Variants in RNF168 observed in about 807,000 individuals in gnomAD.
RNF168 encodes E3 ubiquitin-protein ligase RNF168.
RNF168 carries 34 observed loss-of-function variants against 34.9 expected under a neutral mutation model. That is an observed-to-expected ratio of 0.97 (90% confidence interval 0.74 to 1.30). RNF168 has a LOEUF of 1.30. Among genes scored for constraint, RNF168 ranks in the 50% most tolerant of loss-of-function variants. The probability of loss-of-function intolerance (pLI) is 0.00; values close to 1 mark genes in which losing one functional copy is unlikely to be tolerated. For synonymous variants in RNF168, 264 were observed against 254.7 expected (o/e 1.04, Z -0.35); for missense variants, 725 against 682.5 (o/e 1.06, Z -0.69).
chr3:196,500,047 G>A (rs1194219388), intron 1 of RNF168, among the ~76,000 whole-genome samples: 2 of 152,176 alleles, frequency 1.3e-5, no homozygotes, highest in African/African-American at 4.8e-5. Context: ...CCCACGCACT[G>A]TTGGTGGGAA....
chr3:196,483,495 C>T (rs9877312), intron 4 of RNF168, among the ~76,000 whole-genome samples: 1 of 152,024 alleles, frequency 6.6e-6, no homozygotes, highest in Non-Finnish European at 1.5e-5. Flanking sequence ...TGAATTTAAA[C>T]CAAGAGAAAG....
chr3:196,502,456 T>C (rs1022779855), intron 1 of RNF168, among the ~76,000 whole-genome samples: 1 of 151,718 alleles, frequency 6.6e-6, no homozygotes, highest in Non-Finnish European at 1.5e-5. Context: ...GGCGTGATGG[T>C]GCACGCGTGT....
At chr3:196,489,738 T>C (rs2108651278) in intron 1 of RNF168, among the ~76,000 whole-genome samples, 1 of 152,326 alleles carries the variant, frequency 6.6e-6, no homozygotes, top group South Asian at 2.1e-4. Flanking sequence ...AGACTACAGC[T>C]GAGGTAGAAT....
intron 1 of RNF168, among the ~76,000 whole-genome samples, chr3:196,494,948 G>A (rs967780651): frequency 2.0e-5 from 3 of 152,154 alleles, no homozygotes; most frequent in Non-Finnish European, 2.9e-5. Flanking sequence ...GCTTGAGCCC[G>A]GGCGGTGGAG....
At chr3:196,483,974 AT>A in intron 3 of RNF168, 83 bp from the exon 4 acceptor site, 1 of 1,028,874 alleles carries the variant, frequency 9.7e-7, no homozygotes, top group Middle Eastern at 2.3e-4. Context: ...TAATTCAGAA[AT>A]CCATAGCATT....
chr3:196,477,950 G>A (rs1732186273), intron 4 of RNF168, among the ~76,000 whole-genome samples: 2 of 152,062 alleles, frequency 1.3e-5, no homozygotes, highest in African/African-American at 4.8e-5. Flanking sequence ...TGGACATAAT[G>A]GTGTGTGCCT....
At chr3:196,485,411 G>A (rs11718980) in intron 3 of RNF168, among the ~76,000 whole-genome samples, 75,562 of 151,606 alleles carry the variant, frequency 0.5, 20,654 homozygotes, top group Non-Finnish European at 0.61. Context: ...GGAGGCTGAG[G>A]CAGGAGCATC....
Position 196,472,395 on chromosome 3 carries a change from C to G in RNF168, c.1140G>C (p.Leu380=), listed in dbSNP as rs776629036. 1.2e-6 allele frequency: 2 copies of G among 1,613,956 alleles called. No homozygotes were observed. The highest frequency in any genetic ancestry group is 1.7e-6 in the Non-Finnish European group (2 of 1,179,972). The part of the protein sequence containing the change: ...GETENEESCL[L]ISKEISKRKN... ...TTCTTTTGGAAATCTCCTTACTGAT[C>G]AGTAGGCACGACTCTTCATTTTCTG... is the stretch of plus-strand genomic sequence containing the variant. The change falls in exon 6 of 6, where the codon CTG becomes CTC. Residue 380 remains leucine, a synonymous_variant. Coordinates refer to ENST00000318037, the MANE Select transcript of RNF168 (RefSeq NM_152617.4).
rs527807292 is a variant in RNF168, at chr3:196,479,722, C to T, written c.680+4048G>A. Among the ~76,000 whole-genome samples the T allele has an allele frequency of 3.3e-5, 5 of 151,438 alleles. No individual in the cohort carries two copies. In the East Asian group the frequency reaches 7.8e-4, roughly 24 times the overall value. On this transcript the variant is annotated intron_variant, in intron 4 of 5. Coordinates refer to ENST00000318037, the MANE Select transcript of RNF168 (RefSeq NM_152617.4). Reference sequence around the variant, plus strand: ...TCTCCTGGCTCAGCCTCCCCAGTAGCGGGATTACAGGCGTCCGCCACCACG... The same window carrying T: ...TCTCCTGGCTCAGCCTCCCCAGTAGTGGGATTACAGGCGTCCGCCACCACG...
intron 1 of RNF168, among the ~76,000 whole-genome samples, chr3:196,495,702 T>C (rs1732725294): frequency 6.6e-6 from 1 of 152,218 alleles, no homozygotes; most frequent in African/African-American, 2.4e-5. Context: ...CCTTTGTAAT[T>C]AATAAGCAAT....
intron 1 of RNF168, among the ~76,000 whole-genome samples, chr3:196,490,394 G>A (rs565344488): frequency 1.3e-5 from 2 of 152,236 alleles, no homozygotes; most frequent in East Asian, 3.9e-4. Flanking sequence ...AGCTGACTAC[G>A]ACTACCAGGA....
intron 1 of RNF168, among the ~76,000 whole-genome samples, chr3:196,491,192 A>G (rs1169441869): frequency 6.6e-6 from 1 of 152,130 alleles, no homozygotes; most frequent in Non-Finnish European, 1.5e-5. Flanking sequence ...ACGCACCTGT[A>G]GTCTCAGCTA....
chr3:196,491,972 G>A (rs1298296735), intron 1 of RNF168, among the ~76,000 whole-genome samples: 1 of 152,168 alleles, frequency 6.6e-6, no homozygotes, highest in African/African-American at 2.4e-5. Flanking sequence ...GTCGCCAGCA[G>A]CCAGGGGAGG....
Position 196,469,079 on chromosome 3 carries a change from T to C in RNF168, c.*2740A>G, listed in dbSNP as rs1041023615. Reference sequence around the variant, plus strand: ...ATATCACACCATATATGTGATATATTTACACCTAAATATATCACACCCTCC... The same window carrying C: ...ATATCACACCATATATGTGATATATCTACACCTAAATATATCACACCCTCC... On this transcript the variant is annotated 3_prime_UTR_variant, in exon 6 of 6. Transcript: ENST00000318037. 2.0e-5 allele frequency: 3 copies of C among 152,166 alleles called. No individual in the cohort carries two copies. The allele number at this position is 152,166 out of a possible 1,614,324, so 9.4% of individuals were successfully genotyped here.
At chr3:196,494,102 A>C (rs768025000) in intron 1 of RNF168, among the ~76,000 whole-genome samples, 1 of 115,114 alleles carries the variant, frequency 8.7e-6, no homozygotes, top group Admixed American at 9.3e-5. Context: ...GCCTGCCTTG[A>C]ACTCTCAAGT....
chr3:196,474,101 A>G (rs2108644719), intron 5 of RNF168, among the ~76,000 whole-genome samples: 1 of 149,652 alleles, frequency 6.7e-6, no homozygotes. Context: ...CTGCCTTACT[A>G]GCATACTTTT....
At chr3:196,472,895 A>T in intron 5 of RNF168, 123 bp from the exon 6 acceptor site, 1 of 616,080 alleles carries the variant, frequency 1.6e-6, no homozygotes, top group East Asian at 2.8e-5. Flanking sequence ...AATAAGGTAT[A>T]TATTTCTTTC....
rs1339060276 is a variant in RNF168 at position 196,469,448 on chromosome 3, A to T, written c.*2371T>A. ...GGTATGCAAAGATTAACAAAATTCT[A>T]TTACCAACCTTAGAGGAAAAAAACT... On this transcript the variant is annotated 3_prime_UTR_variant, in exon 6 of 6. Transcript: ENST00000318037. 1 of 152,180 alleles carries T rather than the reference A, an allele frequency of 6.6e-6. No homozygotes were observed. The highest frequency in any genetic ancestry group is 2.4e-5 in the African/African-American group (1 of 41,452). The allele number at this position is 152,180 out of a possible 1,614,324, so 9.4% of individuals were successfully genotyped here.
At chr3:196,501,654 T>C (rs1464269952) in intron 1 of RNF168, among the ~76,000 whole-genome samples, 2 of 152,216 alleles carry the variant, frequency 1.3e-5, no homozygotes, top group African/African-American at 4.8e-5. Context: ...ACATTGTGAA[T>C]GTAATTAATG....
Sources: gnomAD v4.1 joint callset for allele counts (sites outside exome capture counted in the v4.1 genomes callset) on GRCh38, gnomAD v4.1.1 for gene constraint, MANE v1.5 for transcripts, NCBI Gene and HGNC (gene_info 2026-07-23, HGNC 2026-07-21) for gene names.